The following SMAD2 variants were observed in gnomAD, a reference collection of about 807,000 sequenced individuals.
SMAD2 encodes SMAD family member 2, also known as MAD homolog 2.
Under a neutral mutation model 64.4 loss-of-function variants are expected in SMAD2, and 8 were observed. The ratio of observed to expected loss-of-function variants is 0.12; its 90% CI spans 0.07 to 0.22. SMAD2 has a LOEUF of 0.22. Among genes scored for constraint, SMAD2 ranks in the 10% least tolerant of loss-of-function variants. SMAD2 has a pLI of 1.00. For missense variants in SMAD2, 289 were observed against 561.2 expected (o/e 0.51, Z 4.90); for synonymous variants, 203 against 195.8 (o/e 1.04, Z -0.31).
At chr18:47,848,274 A>G (rs1463429127) in intron 8 of SMAD2, among the ~76,000 whole-genome samples, 1 of 152,198 alleles carries the variant, frequency 6.6e-6, no homozygotes, top group Non-Finnish European at 1.5e-5. Flanking sequence ...GTGCCAAATA[A>G]AAGTTGAAGA....
At chr18:47,911,364 A>G (rs2034128788) in intron 1 of SMAD2, among the ~76,000 whole-genome samples, 1 of 151,904 alleles carries the variant, frequency 6.6e-6, no homozygotes, top group South Asian at 2.1e-4. Context: ...AAAAAAAAAA[A>G]AAGAAAATAA....
chr18:47,866,941 A>C (rs1394730280), intron 5 of SMAD2: 2 of 152,234 alleles, frequency 1.3e-5, no homozygotes, highest in African/African-American at 2.4e-5. Context: ...ATAGCCTTCC[A>C]AATAATTACT....
rs1472722243 is a variant in SMAD2 at position 47,840,505 on chromosome 18, C to G, written c.*1322G>C. On this transcript the variant is annotated 3_prime_UTR_variant, in exon 11 of 11. Coordinates refer to ENST00000262160, the MANE Select transcript of SMAD2 (RefSeq NM_005901.6). Reference sequence around the variant, plus strand: ...TGCAGGTAACTTATAAGCTAAAAAACTTGCTAAATAAATGGCTTTTCCCCC... The same window carrying G: ...TGCAGGTAACTTATAAGCTAAAAAAGTTGCTAAATAAATGGCTTTTCCCCC... The G allele has an allele frequency of 4.3e-6, 1 of 232,442 alleles. No individual in the cohort carries two copies. The highest frequency in any genetic ancestry group is 8.5e-6 in the Non-Finnish European group (1 of 117,602). The allele number at this position is 232,442 out of a possible 1,614,324, so 14.4% of individuals were successfully genotyped here.
intron 3 of SMAD2, among the ~76,000 whole-genome samples, chr18:47,869,693 A>G (rs2031814995): frequency 1.3e-5 from 2 of 152,186 alleles, no homozygotes; most frequent in Admixed American, 6.6e-5. Flanking sequence ...ACAACTTGGG[A>G]AAAACTGATT....
At chr18:47,870,348 C>T (rs1017448395) in intron 3 of SMAD2, 127 bp downstream of exon 3, 10 of 706,288 alleles carry the variant, frequency 1.4e-5, no homozygotes, top group Admixed American at 2.1e-5. Context: ...ATTTTAAATG[C>T]TATGCCTTAT....
chr18:47,885,413 C>A (rs2032847327), intron 2 of SMAD2, among the ~76,000 whole-genome samples: 1 of 152,180 alleles, frequency 6.6e-6, no homozygotes, highest in Non-Finnish European at 1.5e-5. Flanking sequence ...AGTGACCCAC[C>A]TGCCTCAGCC....
At chr18:47,851,397 C>T (rs969577945) in intron 6 of SMAD2, 70 bp from the exon 7 acceptor site, 3 of 960,222 alleles carry the variant, frequency 3.1e-6, no homozygotes, top group African/African-American at 1.6e-5. Flanking sequence ...ATAAAACTAG[C>T]TTTATCTGGT....
intron 1 of SMAD2, among the ~76,000 whole-genome samples, chr18:47,913,744 G>A (rs926794324): frequency 1.3e-5 from 2 of 152,174 alleles, no homozygotes; most frequent in Non-Finnish European, 2.9e-5. Flanking sequence ...TAATCAAGTT[G>A]CTATCAAAAC....
intron 1 of SMAD2, among the ~76,000 whole-genome samples, chr18:47,926,941 G>A (rs981245770): frequency 6.6e-6 from 1 of 152,166 alleles, no homozygotes; most frequent in Non-Finnish European, 1.5e-5. Flanking sequence ...CAAGGGCCTG[G>A]GGTTGGTAGT....
intron 7 of SMAD2, among the ~76,000 whole-genome samples, chr18:47,850,385 T>C (rs1401128529): frequency 4.7e-5 from 1 of 21,188 alleles, no homozygotes; most frequent in African/African-American, 3.4e-4. Context: ...ATATATATTA[T>C]ATAATATATA....
intron 1 of SMAD2, among the ~76,000 whole-genome samples, chr18:47,908,780 C>G (rs749359009): frequency 1.5e-4 from 23 of 152,196 alleles, no homozygotes; most frequent in Non-Finnish European, 2.6e-4. Context: ...GGCTAATCAT[C>G]TCTGCATGAG....
intron 1 of SMAD2, among the ~76,000 whole-genome samples, chr18:47,918,530 T>A (rs765265352): frequency 1.3e-5 from 2 of 152,202 alleles, no homozygotes; most frequent in Non-Finnish European, 2.9e-5. Context: ...TGATCAGCTT[T>A]TTAGATCCCC....
rs140669661 is a variant in SMAD2 at position 47,918,219 on chromosome 18, T to C, written c.-54+12142A>G. Among the ~76,000 whole-genome samples, 283 of 152,290 alleles carry C rather than the reference T, an allele frequency of 1.9e-3. 1 individual carries two copies. Among genetic ancestry groups the C allele is most frequent in the African/African-American group, 6.4e-3 (268 of 41,558 alleles). ...TCTGCAAAGGGGAAAACAAAATCCC[T>C]GGACTAGGAGATGGCCTGGGTATAA... On this transcript the variant is annotated intron_variant, in intron 1 of 10. Coordinates refer to ENST00000262160, the MANE Select transcript of SMAD2 (RefSeq NM_005901.6).
chr18:47,830,144 A>C lies in SMAD2; in HGVS notation c.*11683T>G, dbSNP rs1257683727. 6.6e-6 allele frequency: 1 copy of C among 152,232 alleles called. No individual in the cohort carries two copies. The highest frequency in any genetic ancestry group is 6.5e-5 in the Admixed American group (1 of 15,280). 9.4% of individuals were successfully genotyped at this position (152,232 alleles called of 1,614,324 possible). On this transcript the variant is annotated 3_prime_UTR_variant, in exon 11 of 11. Transcript: ENST00000262160. ...TTAAATGTGGTGATAACACGTTATT[A>C]TTCATGATTTAAAAGTTGAAATGAA...
intron 1 of SMAD2, among the ~76,000 whole-genome samples, chr18:47,908,756 T>C (rs1200368019): frequency 6.6e-6 from 1 of 152,174 alleles, no homozygotes; most frequent in Admixed American, 6.5e-5. Flanking sequence ...GTGTTGCGAG[T>C]ATCCACTGTG....
At chr18:47,879,373 C>A (rs2032451492) in intron 2 of SMAD2, among the ~76,000 whole-genome samples, 1 of 152,126 alleles carries the variant, frequency 6.6e-6, no homozygotes, top group South Asian at 2.1e-4. Flanking sequence ...CTAATCTGAT[C>A]TTTTCACCAT....
chr18:47,829,097 G>GA lies in SMAD2; in HGVS notation c.*12729dup, dbSNP rs1164050187. 6.6e-6 allele frequency: 1 copy of GA among 152,152 alleles called. No individual in the cohort carries two copies. The highest frequency in any genetic ancestry group is 1.9e-4 in the East Asian group (1 of 5,200). 9.4% of individuals were successfully genotyped at this position (152,152 alleles called of 1,614,324 possible). Reference sequence around the variant, plus strand: ...ATGAGCTTCCCTGTGAATGAGAACAGAAAAAGTTCAGGAGCCACCAGAGGA... The same window carrying GA: ...ATGAGCTTCCCTGTGAATGAGAACAGAAAAAAGTTCAGGAGCCACCAGAGGA... On this transcript the variant is annotated 3_prime_UTR_variant, in exon 11 of 11. Coordinates refer to ENST00000262160, the MANE Select transcript of SMAD2 (RefSeq NM_005901.6).
intron 1 of SMAD2, among the ~76,000 whole-genome samples, chr18:47,909,712 C>G (rs535133835): frequency 3.2e-4 from 49 of 152,294 alleles, no homozygotes; most frequent in African/African-American, 1.1e-3. Context: ...GCAACCAGAA[C>G]GCTTTTCTCT....
intron 1 of SMAD2, among the ~76,000 whole-genome samples, chr18:47,913,500 C>G (rs1254413654): frequency 6.6e-6 from 1 of 152,136 alleles, no homozygotes; most frequent in African/African-American, 2.4e-5. Flanking sequence ...CCATGGTTGG[C>G]TGACATCTGT....
Sources: gnomAD v4.1 joint callset for allele counts (sites outside exome capture counted in the v4.1 genomes callset) on GRCh38, gnomAD v4.1.1 for gene constraint, MANE v1.5 for transcripts, NCBI Gene and HGNC (gene_info 2026-07-23, HGNC 2026-07-21) for gene names.